IQCK: variants seen among roughly 807,000 people sequenced by gnomAD.
IQCK encodes the protein IQ domain-containing protein K.
A neutral mutation model predicts 28.1 loss-of-function variants in IQCK; 29 were observed. That is an observed-to-expected ratio of 1.03 (90% CI 0.77 to 1.41). IQCK has a LOEUF of 1.41. Ranked by LOEUF, IQCK falls within the 40% of genes most tolerant of loss-of-function variation. The pLI, the probability that IQCK is intolerant of heterozygous loss-of-function variation, is 0.00. For synonymous variants in IQCK, 113 were observed against 115.1 expected (o/e 0.98, Z 0.12); for missense variants, 359 against 314.7 (o/e 1.14, Z -1.07).
chr16:19,783,027 CTTG>C (rs1372096550), intron 6 of IQCK, among the ~76,000 whole-genome samples: 3 of 146,938 alleles, frequency 2.0e-5, no homozygotes, highest in Admixed American at 6.8e-5. Context: ...GAGACGGAGT[CTTG>C]TTGTGTTGTG....
chr16:19,847,533 A>G (rs767432523), intron 9 of IQCK, among the ~76,000 whole-genome samples: 28 of 152,162 alleles, frequency 1.8e-4, no homozygotes, highest in Non-Finnish European at 3.4e-4. Context: ...CTTTCACCAT[A>G]GAGTAGTTTT....
Position 19,727,591 on chromosome 16 carries a change from C to T in IQCK, c.182-2839C>T, listed in dbSNP as rs372830238. Among the ~76,000 whole-genome samples, 712 of 150,210 alleles carry T rather than the reference C, an allele frequency of 4.7e-3. 8 individuals carry two copies. Among genetic ancestry groups the T allele is most frequent in the African/African-American group, 0.017 (688 of 40,778 alleles). The stretch of plus-strand genomic sequence containing the variant: ...GACAGAGCGAGACTTTGTCACCCCC[C>T]CCCCCCAAAAAAAAAGATTTGGTTG... On this transcript the variant is annotated intron_variant, in intron 1 of 7. Coordinates refer to ENST00000564186, the Ensembl canonical transcript of IQCK.
downstream of IQCK, chr16:19,827,224 T>G (rs532283786): frequency 2.2e-6 from 2 of 898,596 alleles, no homozygotes; most frequent in Non-Finnish European, 1.8e-6. Flanking sequence ...TCTGAGCTTT[T>G]GTAAGGTCCT....
At chr16:19,828,101 C>A (rs2141092857), downstream of IQCK, among the ~76,000 whole-genome samples, 1 of 151,882 alleles carries the variant, frequency 6.6e-6, no homozygotes, top group African/African-American at 2.4e-5. Flanking sequence ...TTAGTAGACA[C>A]AGGGTTTCAC....
chr16:19,719,188 C>G (rs1977386521), intron 1 of IQCK, among the ~76,000 whole-genome samples: 1 of 152,076 alleles, frequency 6.6e-6, no homozygotes, highest in Non-Finnish European at 1.5e-5. Context: ...GCTTAGCAAA[C>G]TGCCTGATTT....
intron 6 of IQCK, among the ~76,000 whole-genome samples, chr16:19,778,411 T>A (rs2055427239): frequency 6.6e-6 from 1 of 152,140 alleles, no homozygotes; most frequent in African/African-American, 2.4e-5. Context: ...ATCCCAGCAC[T>A]TTGGGAGGCC....
chr16:19,779,932 T>C (rs974983213), intron 6 of IQCK, among the ~76,000 whole-genome samples: 7 of 151,708 alleles, frequency 4.6e-5, no homozygotes, highest in Non-Finnish European at 1.0e-4. Flanking sequence ...TTAGCCAGGA[T>C]GGTCTCGATA....
chr16:19,749,725 C>T (rs1243717685), intron 4 of IQCK, among the ~76,000 whole-genome samples: 1 of 150,556 alleles, frequency 6.6e-6, no homozygotes, highest in East Asian at 1.9e-4. Context: ...ATGATTGCAG[C>T]ACTGCACTCC....
chr16:19,722,598 G>A (rs972064902), intron 1 of IQCK, among the ~76,000 whole-genome samples: 1 of 152,182 alleles, frequency 6.6e-6, no homozygotes, highest in Non-Finnish European at 1.5e-5. Context: ...TACCAGGGCT[G>A]GGAACTGTTT....
intron 6 of IQCK, among the ~76,000 whole-genome samples, chr16:19,775,242 AAAAG>A (rs1357723620): frequency 5.3e-5 from 8 of 151,896 alleles, no homozygotes; most frequent in African/African-American, 9.7e-5. Context: ...AAAAAAAAAA[AAAAG>A]AAGACTTTTT....
chr16:19,764,258 C>A, intron 6 of IQCK, 146 bp downstream of exon 6: 1 of 655,472 alleles, frequency 1.5e-6, no homozygotes, highest in Non-Finnish European at 2.7e-6. Context: ...TCTAGTTATT[C>A]TTAGCCTAGG....
chr16:19,750,543 C>G (rs2054972318), intron 4 of IQCK, among the ~76,000 whole-genome samples: 2 of 151,784 alleles, frequency 1.3e-5, no homozygotes, highest in South Asian at 4.2e-4. Flanking sequence ...TTCGCTGCAA[C>G]CTCCAACTCC....
chr16:19,818,408 T>C (rs1230938940), intron 7 of IQCK, among the ~76,000 whole-genome samples: 1 of 152,208 alleles, frequency 6.6e-6, no homozygotes, highest in Non-Finnish European at 1.5e-5. Context: ...ATTTTTCTTT[T>C]TGAGACGGAG....
intron 9 of IQCK, among the ~76,000 whole-genome samples, chr16:19,850,888 G>A (rs367780107): frequency 2.6e-5 from 4 of 152,050 alleles, no homozygotes; most frequent in Admixed American, 6.6e-5. Context: ...ATGGTGGTGC[G>A]TGTGTGTGGT....
chr16:19,741,062 G>T (rs769083396), intron 4 of IQCK, among the ~76,000 whole-genome samples: 1 of 152,004 alleles, frequency 6.6e-6, no homozygotes, highest in Non-Finnish European at 1.5e-5. Context: ...AAGCCCTGCT[G>T]TGTGCTGATC....
chr16:19,768,442 C>A (rs924563201), intron 6 of IQCK, among the ~76,000 whole-genome samples: 1 of 152,118 alleles, frequency 6.6e-6, no homozygotes, highest in Admixed American at 6.6e-5. Flanking sequence ...GATAGATAAA[C>A]CAGTATTCAA....
At chr16:19,764,541 T>C (rs1052347760) in intron 6 of IQCK, among the ~76,000 whole-genome samples, 112 of 152,232 alleles carry the variant, frequency 7.4e-4, no homozygotes, top group African/African-American at 2.6e-3. Context: ...ATTAAAACTA[T>C]TTGACCATTC....
chr16:19,810,807 A>C (rs1417657010), intron 7 of IQCK, among the ~76,000 whole-genome samples: 1 of 151,828 alleles, frequency 6.6e-6, no homozygotes, highest in Non-Finnish European at 1.5e-5. Context: ...CTCCAGCAAA[A>C]AAAAAAAAAA....
intron 9 of IQCK, among the ~76,000 whole-genome samples, chr16:19,846,188 G>T (rs2056413745): frequency 6.6e-6 from 1 of 152,146 alleles, no homozygotes. Flanking sequence ...TCCTTTTATG[G>T]ATGAGAGAGC....
Sources: allele counts gnomAD v4.1 joint callset (sites outside exome capture counted in the v4.1 genomes callset), GRCh38; gene constraint gnomAD v4.1.1; transcripts MANE v1.5; gene names NCBI Gene and HGNC (gene_info 2026-07-23, HGNC 2026-07-21).